Variants in ADK observed in about 807,000 individuals in gnomAD.
The protein encoded by ADK is N6,N6-dimethyladenosine kinase.
In ADK, 24 loss-of-function variants were observed where a neutral mutation model predicts 44.7. The observed-to-expected ratio is 0.54, with a 90% CI of 0.39 to 0.76. The LOEUF (loss-of-function observed/expected upper bound fraction) is 0.76. ADK is among the 30% of genes least tolerant of loss of function. The pLI is 0.00. For synonymous variants in ADK, 128 were observed against 142.6 expected, an observed-to-expected ratio of 0.90 and a Z score of 0.73; for missense variants, 321 against 425.1, an observed-to-expected ratio of 0.76 and a Z score of 2.15.
intron 7 of ADK, among the ~76,000 whole-genome samples, chr10:74,561,472 C>T (rs1010293750): frequency 6.6e-6 from 1 of 152,088 alleles, no homozygotes; most frequent in Non-Finnish European, 1.5e-5. Flanking sequence ...TCAAGATAAC[C>T]GTTCATTTAT....
chr10:74,638,768 A>G (rs1853716359), intron 9 of ADK, among the ~76,000 whole-genome samples: 1 of 152,106 alleles, frequency 6.6e-6, no homozygotes, highest in African/African-American at 2.4e-5. Context: ...GTTGTGGTTG[A>G]GACTAATATG....
chr10:74,170,346 G>A (rs1202678468), intron 1 of ADK, among the ~76,000 whole-genome samples: 1 of 151,932 alleles, frequency 6.6e-6, no homozygotes, highest in East Asian at 1.9e-4. Context: ...ATGAAAAAAT[G>A]AAACATTTAT....
chr10:74,477,789 C>A (rs984026031), intron 6 of ADK, among the ~76,000 whole-genome samples: 2 of 152,142 alleles, frequency 1.3e-5, no homozygotes, highest in Admixed American at 1.3e-4. Context: ...ATTCTCCTCC[C>A]TCCTGCAAAT....
chr10:74,319,932 A>G (rs902057852), intron 4 of ADK, among the ~76,000 whole-genome samples: 1 of 152,186 alleles, frequency 6.6e-6, no homozygotes, highest in African/African-American at 2.4e-5. Context: ...CATGCCCATT[A>G]ACATAGATTT....
intron 6 of ADK, among the ~76,000 whole-genome samples, chr10:74,479,755 C>T (rs1425577020): frequency 6.6e-6 from 1 of 151,992 alleles, no homozygotes; most frequent in Non-Finnish European, 1.5e-5. Flanking sequence ...TAACATTCTA[C>T]TCTCCAATCA....
intron 6 of ADK, among the ~76,000 whole-genome samples, chr10:74,444,158 T>C (rs1406422674): frequency 6.6e-6 from 1 of 152,130 alleles, no homozygotes; most frequent in African/African-American, 2.4e-5. Flanking sequence ...AAATGAGTAA[T>C]ATGTCCAAAC....
At chr10:74,262,583 G>T (rs1591950943) in intron 3 of ADK, among the ~76,000 whole-genome samples, 2 of 152,118 alleles carry the variant, frequency 1.3e-5, no homozygotes, top group East Asian at 3.9e-4. Context: ...TATTATTTTT[G>T]TCTTAGTCAT....
At chr10:74,508,317 T>C (rs1197509331) in intron 6 of ADK, 3 of 152,198 alleles carry the variant, frequency 2.0e-5, no homozygotes, top group African/African-American at 7.2e-5. Context: ...TGTTGATCTT[T>C]AAAGAGCATA....
At chr10:74,655,141 C>A in intron 9 of ADK, 1 of 298,406 alleles carries the variant, frequency 3.4e-6, no homozygotes, top group Non-Finnish European at 6.6e-6. Context: ...AACCTTCACC[C>A]CAAATATCAT....
intron 7 of ADK, among the ~76,000 whole-genome samples, chr10:74,581,234 A>G (rs1851364171): frequency 6.6e-6 from 1 of 152,206 alleles, no homozygotes; most frequent in Admixed American, 6.5e-5. Flanking sequence ...AATCCTATTA[A>G]AGAGTAATGT....
At chr10:74,474,504 T>TCCTTC (rs1306075492) in intron 6 of ADK, among the ~76,000 whole-genome samples, 3 of 151,708 alleles carry the variant, frequency 2.0e-5, no homozygotes, top group Non-Finnish European at 4.4e-5. Flanking sequence ...TCCTCTCCTT[T>TCCTTC]CCTTCCCTTC....
intron 1 of ADK, among the ~76,000 whole-genome samples, chr10:74,184,991 A>T (rs764703576): frequency 6.6e-6 from 1 of 152,162 alleles, no homozygotes; most frequent in Non-Finnish European, 1.5e-5. Context: ...TTGTTATCTT[A>T]CTTTTGGGAG....
intron 10 of ADK, among the ~76,000 whole-genome samples, chr10:74,685,895 T>C (rs921130356): frequency 6.6e-6 from 1 of 152,080 alleles, no homozygotes; most frequent in African/African-American, 2.4e-5. Flanking sequence ...GGAATTTTTT[T>C]TTTGTAAGGA....
chr10:74,249,414 T>C (rs1480309069), intron 3 of ADK, among the ~76,000 whole-genome samples: 2 of 152,206 alleles, frequency 1.3e-5, no homozygotes, highest in Non-Finnish European at 2.9e-5. Flanking sequence ...TCTATTTTTC[T>C]CTGTATATAG....
chr10:74,334,851 T>C (rs112454483), intron 4 of ADK, among the ~76,000 whole-genome samples: 4 of 152,276 alleles, frequency 2.6e-5, no homozygotes, highest in Admixed American at 6.5e-5. Context: ...CCAGCCATCC[T>C]CTTATACATA....
intron 7 of ADK, chr10:74,527,737 C>T (rs969390625): frequency 7.1e-6 from 11 of 1,545,584 alleles, no homozygotes; most frequent in South Asian, 3.3e-5. Context: ...TATTCAGACA[C>T]CAGTTGTTTC....
At chr10:74,233,868 A>G (rs1844869277) in intron 3 of ADK, among the ~76,000 whole-genome samples, 1 of 152,204 alleles carries the variant, frequency 6.6e-6, no homozygotes, top group Non-Finnish European at 1.5e-5. Flanking sequence ...TTTAGGGGGA[A>G]GGATAAGGTG....
At chr10:74,199,431 A>C (rs998412242) in intron 1 of ADK, among the ~76,000 whole-genome samples, 6 of 152,302 alleles carry the variant, frequency 3.9e-5, no homozygotes, top group East Asian at 3.9e-4. Context: ...CTTATAAGTG[A>C]AAACATGTGA....
intron 1 of ADK, among the ~76,000 whole-genome samples, chr10:74,167,367 CTACTT>C (rs1189330616): frequency 6.6e-6 from 1 of 152,160 alleles, no homozygotes; most frequent in Non-Finnish European, 1.5e-5. Context: ...CTTAAAATAA[CTACTT>C]TATTAGATGT....
Sources: allele counts gnomAD v4.1 joint callset (sites outside exome capture counted in the v4.1 genomes callset), GRCh38; gene constraint gnomAD v4.1.1; transcripts MANE v1.5; gene names NCBI Gene and HGNC (gene_info 2026-07-23, HGNC 2026-07-21).